Variants in PCDH11Y observed in about 807,000 individuals in gnomAD.
PCDH11Y encodes the protein protocadherin-11 Y-linked.
For synonymous variants in PCDH11Y, 9 were observed against 83.6 expected, an observed-to-expected ratio of 0.11 and a Z score of 4.87; for missense variants, 12 against 224.8, an observed-to-expected ratio of 0.05 and a Z score of 6.05.
At chrY:5,625,289 C>G (rs2053505316) in intron 4 of PCDH11Y, among the ~76,000 whole-genome samples, 1 of 29,758 alleles carries the variant, frequency 3.4e-5, no homozygotes, top group Non-Finnish European at 8.0e-5. Flanking sequence ...GATCTGTGAA[C>G]ATAAATAGTT....
intron 3 of PCDH11Y, chrY:5,573,777 A>C: frequency 9.2e-6 from 2 of 217,094 alleles, no homozygotes; most frequent in Non-Finnish European, 1.6e-5. Flanking sequence ...GCTGCTCTTC[A>C]TGAAGAACCA....
intron 3 of PCDH11Y, among the ~76,000 whole-genome samples, chrY:5,513,455 T>C (rs2053368660): frequency 2.9e-5 from 1 of 34,191 alleles, no homozygotes; most frequent in Admixed American, 2.7e-4. Context: ...TCTTCATTTC[T>C]AGGAAACTGA....
chrY:5,449,665 A>G (rs2124682599), intron 2 of PCDH11Y, among the ~76,000 whole-genome samples: 2 of 33,083 alleles, frequency 6.0e-5, no homozygotes, highest in South Asian at 1.3e-3. Flanking sequence ...TTGTTGGACT[A>G]GTAGCAACCA....
At chrY:5,365,827 T>C in intron 2 of PCDH11Y, among the ~76,000 whole-genome samples, 5 of 33,635 alleles carry the variant, frequency 1.5e-4, no homozygotes, top group African/African-American at 5.8e-4. Context: ...TTAAAAATTC[T>C]ATATTCCATT....
At chrY:5,108,774 A>G (rs2052799852), downstream of PCDH11Y, among the ~76,000 whole-genome samples, 1 of 29,612 alleles carries the variant, frequency 3.4e-5, no homozygotes, top group Non-Finnish European at 8.1e-5. Context: ...AAAAGAAAAG[A>G]AAAGAAAAGA....
intron 1 of PCDH11Y, among the ~76,000 whole-genome samples, chrY:5,079,630 G>A: frequency 3.2e-5 from 1 of 31,542 alleles, no homozygotes; most frequent in African/African-American, 1.2e-4. Flanking sequence ...TGGCTGGGAT[G>A]TAGGTCATCA....
chrY:5,565,962 A>AATATAT (rs1556033168), intron 3 of PCDH11Y, among the ~76,000 whole-genome samples: 89 of 20,688 alleles, frequency 4.3e-3, no homozygotes, highest in Non-Finnish European at 4.9e-3. Flanking sequence ...ATATATATAT[A>AATATAT]ATATATATAT....
At chrY:5,232,972 GCA>G (rs2052969645) in intron 2 of PCDH11Y, among the ~76,000 whole-genome samples, 3 of 32,206 alleles carry the variant, frequency 9.3e-5, no homozygotes, top group Admixed American at 2.9e-4. Context: ...TAACAGGACA[GCA>G]CTTATTTCAG....
At chrY:5,532,150 T>C in intron 3 of PCDH11Y, among the ~76,000 whole-genome samples, 1 of 31,719 alleles carries the variant, frequency 3.2e-5, no homozygotes, top group African/African-American at 1.2e-4. Context: ...TGTGTAGAAA[T>C]GTTTGTTTTC....
At chrY:5,267,858 T>C in intron 2 of PCDH11Y, among the ~76,000 whole-genome samples, 1 of 34,408 alleles carries the variant, frequency 2.9e-5, no homozygotes, top group Non-Finnish European at 7.3e-5. Context: ...ATCTTAGCTT[T>C]ACTGTTTTCC....
chrY:5,497,495 GT>G (rs2053346555), intron 2 of PCDH11Y, among the ~76,000 whole-genome samples: 1 of 33,268 alleles, frequency 3.0e-5, no homozygotes, highest in East Asian at 8.0e-4. Flanking sequence ...GGGGTTGTTT[GT>G]TTTTTTCTTG....
intron 2 of PCDH11Y, among the ~76,000 whole-genome samples, chrY:5,261,467 G>C: frequency 3.0e-5 from 1 of 33,520 alleles, no homozygotes; most frequent in Admixed American, 2.7e-4. Flanking sequence ...TTGGGAACTG[G>C]AGCAAAGGTG....
At chrY:5,156,657 A>G in intron 2 of PCDH11Y, among the ~76,000 whole-genome samples, 2 of 31,401 alleles carry the variant, frequency 6.4e-5, no homozygotes, top group Admixed American at 3.0e-4. Flanking sequence ...AAGCAGACCT[A>G]TGTCTTGCAA....
intron 2 of PCDH11Y, among the ~76,000 whole-genome samples, chrY:5,420,994 T>G: frequency 3.6e-5 from 1 of 27,778 alleles, no homozygotes; most frequent in African/African-American, 1.4e-4. Flanking sequence ...GATCACGAGG[T>G]CAGGAGTTCA....
intron 2 of PCDH11Y, among the ~76,000 whole-genome samples, chrY:5,388,580 T>C (rs2053218604): frequency 3.1e-5 from 1 of 32,581 alleles, no homozygotes; most frequent in African/African-American, 1.2e-4. Flanking sequence ...TGGATTCTCT[T>C]GGCTTTCTTG....
downstream of PCDH11Y, among the ~76,000 whole-genome samples, chrY:5,110,293 G>A: frequency 3.2e-5 from 1 of 31,407 alleles, no homozygotes; most frequent in African/African-American, 1.3e-4. Context: ...AAACTTAGCC[G>A]GGTTTGGTGG....
chrY:5,724,269 C>A, intron 4 of PCDH11Y, among the ~76,000 whole-genome samples: 1 of 33,525 alleles, frequency 3.0e-5, no homozygotes, highest in Admixed American at 2.7e-4. Flanking sequence ...GTCTTTTTAT[C>A]AAAACAAAAG....
chrY:5,041,787 T>G (rs2124623416), intron 3 of PCDH11Y, among the ~76,000 whole-genome samples: 3 of 33,303 alleles, frequency 9.0e-5, no homozygotes, highest in Admixed American at 5.4e-4. Context: ...CCTGACTTTT[T>G]AATGATTGCC....
chrY:5,296,118 A>G, intron 2 of PCDH11Y, among the ~76,000 whole-genome samples: 1 of 32,278 alleles, frequency 3.1e-5, no homozygotes, highest in African/African-American at 1.2e-4. Flanking sequence ...TCTGGGCATT[A>G]AAGAGAGTTA....
Sources: gnomAD v4.1 joint callset for allele counts (sites outside exome capture counted in the v4.1 genomes callset) on GRCh38, gnomAD v4.1.1 for gene constraint, MANE v1.5 for transcripts, NCBI Gene and HGNC (gene_info 2026-07-23, HGNC 2026-07-21) for gene names.